The following CYREN variants were observed in gnomAD, a reference collection of about 807,000 sequenced individuals.
CYREN encodes the protein cell cycle regulator of NHEJ, also known as cell cycle regulator of non-homologous end joining.
In CYREN, 7 loss-of-function variants were observed where a neutral mutation model predicts 9.7. That is an observed-to-expected ratio of 0.72 (90% CI 0.41 to 1.36). The LOEUF (loss-of-function observed/expected upper bound fraction) is 1.36. CYREN is among the 40% of genes most tolerant of loss of function. CYREN has a pLI of 0.01. For synonymous variants in CYREN, 76 were observed against 77.9 expected, an observed-to-expected ratio of 0.98 and a Z score of 0.13; for missense variants, 215 against 198.1, an observed-to-expected ratio of 1.09 and a Z score of -0.51.
chr7:135,094,355 G>T, exon 3 of CYREN: 1 of 456,588 alleles, frequency 2.2e-6, no homozygotes. Flanking sequence ...CGAATCCAGG[G>T]AGTCACTGCT....
At chr7:135,160,404 T>C (rs185715413) in intron 2 of CYREN, among the ~76,000 whole-genome samples, 118 of 152,278 alleles carry the variant, frequency 7.7e-4, no homozygotes, top group Admixed American at 1.8e-3. Flanking sequence ...ACCAGGATTG[T>C]TTAAGAAAAG....
chr7:135,161,384 G>A (rs866893918), downstream of CYREN, among the ~76,000 whole-genome samples: 2 of 152,182 alleles, frequency 1.3e-5, no homozygotes, highest in African/African-American at 4.8e-5. The surrounding 1 kb of genome is among the most constrained non-coding windows in gnomAD (Gnocchi z 4.1). Context: ...GGAAAAGTGA[G>A]AGGGAGTGTT....
rs1192833836 is a variant in CYREN, at chr7:135,128,780, C to T, written n.357-34198G>A. On this transcript the variant is annotated intron_variant and non_coding_transcript_variant, in intron 2 of 2. Coordinates refer to the CYREN transcript ENST00000459937. ...AACACAGAGCTAGATTTTGGAGGAA[C>T]TTCTGGATCTGATACAGACCAAGAG... The T allele has an allele frequency of 5.5e-6, 7 of 1,264,548 alleles. No homozygotes were observed. In the Admixed American group the frequency reaches 1.2e-4, roughly 22 times the overall value. 78.3% of individuals were successfully genotyped at this position (1,264,548 alleles called of 1,614,324 possible).
Position 135,165,961 on chromosome 7 carries a change from C to G in CYREN, c.*650G>C, listed in dbSNP as rs912815262. On this transcript the variant is annotated 3_prime_UTR_variant, in exon 4 of 4. Coordinates refer to ENST00000393114, the MANE Select transcript of CYREN (RefSeq NM_024033.4). ...GGCTCCTGTCCCTCTTGCTTTATAG[C>G]TAGCTGCCCGGGGACCAAGGTACAG... The G allele has an allele frequency of 3.1e-5, 5 of 163,618 alleles. No individual in the cohort carries two copies. The highest frequency in any genetic ancestry group is 1.2e-4 in the African/African-American group (5 of 41,432). The allele number at this position is 163,618 out of a possible 1,614,324, so 10.1% of individuals were successfully genotyped here. A position where few individuals can be genotyped will look rare whatever the true frequency, so the allele number is the denominator to read the frequency against.
intron 2 of CYREN, among the ~76,000 whole-genome samples, chr7:135,122,049 G>A (rs187827167): frequency 8.5e-5 from 13 of 152,316 alleles, no homozygotes; most frequent in African/African-American, 2.2e-4. Context: ...CACCACAGCT[G>A]TGTCTGCCTG....
At chr7:135,160,680 G>A (rs3250) in intron 2 of CYREN, among the ~76,000 whole-genome samples, 72,190 of 151,138 alleles carry the variant, frequency 0.48, 17,524 homozygotes, top group South Asian at 0.65. Context: ...TGTGTAACCA[G>A]GATTCGTACA....
At chr7:135,149,259 T>C (rs941059206) in intron 2 of CYREN, among the ~76,000 whole-genome samples, 10 of 152,230 alleles carry the variant, frequency 6.6e-5, no homozygotes, top group Non-Finnish European at 1.3e-4. Context: ...TTGCCTGTAA[T>C]GTCACCACCC....
downstream of CYREN, chr7:135,164,513 C>A: frequency 6.2e-7 from 1 of 1,613,648 alleles, no homozygotes; most frequent in Non-Finnish European, 8.5e-7. Context: ...TGATTGTGGT[C>A]ATCTGCCTGA....
intron 2 of CYREN, among the ~76,000 whole-genome samples, chr7:135,102,201 C>T (rs552176223): frequency 6.6e-6 from 1 of 152,268 alleles, no homozygotes; most frequent in African/African-American, 2.4e-5. Context: ...ATTCACCGCT[C>T]CAAATCTGTG....
chr7:135,129,209 C>T, intron 2 of CYREN: 1 of 1,437,270 alleles, frequency 7.0e-7, no homozygotes, highest in South Asian at 1.1e-5. Flanking sequence ...ACGCATGCTG[C>T]CAGCTGCCTG....
chr7:135,160,307 C>T lies in CYREN; in HGVS notation n.356+8442G>A, dbSNP rs141520662. Among the ~76,000 whole-genome samples the T allele has an allele frequency of 2.1e-3, 322 of 152,342 alleles. 1 individual carries two copies. Among genetic ancestry groups the T allele is most frequent in the African/African-American group, 7.1e-3 (294 of 41,572 alleles). Reference sequence around the variant, plus strand: ...GTTTATCTAAAAATGGCCACAGTGACTCAGCAGTCTCCCCTTTGCCCTCTG... The same window carrying T: ...GTTTATCTAAAAATGGCCACAGTGATTCAGCAGTCTCCCCTTTGCCCTCTG... On this transcript the variant is annotated intron_variant and non_coding_transcript_variant, in intron 2 of 2. Coordinates refer to the CYREN transcript ENST00000459937.
upstream of CYREN, chr7:135,170,710 C>G (rs972868434): frequency 6.6e-6 from 1 of 152,462 alleles, no homozygotes; most frequent in Admixed American, 6.5e-5. Context: ...CCTCCACTGG[C>G]CGCCCGCCTC....
intron 2 of CYREN, among the ~76,000 whole-genome samples, chr7:135,159,934 T>C (rs962114511): frequency 2.0e-5 from 3 of 152,214 alleles, no homozygotes; most frequent in Non-Finnish European, 4.4e-5. Context: ...AAACTGCTGG[T>C]GGAAACATAA....
chr7:135,165,191 C>A, downstream of CYREN: 2 of 584,640 alleles, frequency 3.4e-6, no homozygotes, highest in South Asian at 5.4e-5. Context: ...CTTCTTAGTA[C>A]AAGATTGTCT....
chr7:135,170,186 G>A (rs1488661506), intron 1 of CYREN: 1 of 152,282 alleles, frequency 6.6e-6, no homozygotes, highest in East Asian at 1.9e-4. Flanking sequence ...TCCAGACCCC[G>A]CGCCTCCCCG....
chr7:135,167,544 C>G, intron 3 of CYREN, 188 bp downstream of exon 3: 1 of 1,430,840 alleles, frequency 7.0e-7, no homozygotes, highest in Non-Finnish European at 9.1e-7. Context: ...CTCAAAGACA[C>G]CCCACGAGCG....
Position 135,122,897 on chromosome 7 carries a change from G to A in CYREN, n.357-28315C>T, listed in dbSNP as rs184450297. 6.6e-5 allele frequency among the ~76,000 whole-genome samples: 10 copies of A among 152,170 alleles called. No individual in the cohort carries two copies. The East Asian group carries it at 1.4e-3, about 21-fold the overall frequency. On this transcript the variant is annotated intron_variant and non_coding_transcript_variant, in intron 2 of 2. Transcript: ENST00000459937. ...AGAAAAACCCCATCCAAGGATCAGC[G>A]CCTCAAAGATCAAAACTAGACAAAC...
At chr7:135,156,718 T>G (rs139097098) in intron 2 of CYREN, among the ~76,000 whole-genome samples, 48 of 152,350 alleles carry the variant, frequency 3.2e-4, no homozygotes, top group African/African-American at 1.1e-3. Context: ...TGAAGAATTC[T>G]CTTTGATTGG....
chr7:135,171,431 A>T (rs1456436437), upstream of CYREN, among the ~76,000 whole-genome samples: 1 of 151,972 alleles, frequency 6.6e-6, no homozygotes, highest in Non-Finnish European at 1.5e-5. Flanking sequence ...TCAACTCATG[A>T]CTTAGAAACC....
Sources: allele counts gnomAD v4.1 joint callset (sites outside exome capture counted in the v4.1 genomes callset), GRCh38; gene constraint gnomAD v4.1.1; non-coding constraint Gnocchi (gnomAD v3.1); transcripts MANE v1.5; gene names NCBI Gene and HGNC (gene_info 2026-07-23, HGNC 2026-07-21).